Variants in TRAF3 observed in about 807,000 individuals in gnomAD.
TRAF3 encodes TNF receptor associated factor 3.
A neutral mutation model predicts 62.3 loss-of-function variants in TRAF3; 13 were observed. The ratio of observed to expected loss-of-function variants is 0.21; its 90% CI spans 0.14 to 0.33. The LOEUF (loss-of-function observed/expected upper bound fraction) is 0.33. Among genes scored for constraint, TRAF3 ranks in the 10% least tolerant of loss-of-function variants. The probability of loss-of-function intolerance (pLI) is 1.00; values close to 1 mark genes in which losing one functional copy is unlikely to be tolerated. For missense variants in TRAF3, 440 were observed against 741.8 expected (o/e 0.59, Z 4.73); for synonymous variants, 269 against 283.4 (o/e 0.95, Z 0.51).
chr14:102,839,369 C>A (rs1886237087), intron 2 of TRAF3, among the ~76,000 whole-genome samples: 1 of 152,062 alleles, frequency 6.6e-6, no homozygotes, highest in Non-Finnish European at 1.5e-5. Context: ...CAGGTGCACG[C>A]TACCACTTCT....
chr14:102,869,007 G>A (rs893009706), intron 2 of TRAF3, among the ~76,000 whole-genome samples: 16 of 152,216 alleles, frequency 1.1e-4, no homozygotes, highest in African/African-American at 3.9e-4. Context: ...GAGAGTCCGC[G>A]CAGACAGACT....
At chr14:102,847,403 G>C (rs1886790103) in intron 2 of TRAF3, among the ~76,000 whole-genome samples, 1 of 152,118 alleles carries the variant, frequency 6.6e-6, no homozygotes, top group African/African-American at 2.4e-5. Flanking sequence ...TCGAACTCCT[G>C]ACCTCAGGCA....
Position 102,903,986 on chromosome 14 carries a change from G to A in TRAF3, c.1135+557G>A, listed in dbSNP as rs1235045734. 1 of 364,326 alleles carries A rather than the reference G, an allele frequency of 2.7e-6. No individual in the cohort carries two copies. The highest frequency in any genetic ancestry group is 5.5e-6 in the Non-Finnish European group (1 of 182,682). The allele number at this position is 364,326 out of a possible 1,614,324, so 22.6% of individuals were successfully genotyped here. A position where few individuals can be genotyped will look rare whatever the true frequency, so the allele number is the denominator to read the frequency against. ...GCCGGATGAAGCAGGCAGAGAATGAGGTTGGAGGAGAGGGGAGCAGCTTCG... is the reference window on the plus strand; with the variant it reads ...GCCGGATGAAGCAGGCAGAGAATGAAGTTGGAGGAGAGGGGAGCAGCTTCG... On this transcript the variant is annotated intron_variant, in intron 11 of 11. Transcript: ENST00000392745. The surrounding 1 kb of genome is among the most constrained non-coding windows in gnomAD (Gnocchi z 6.4).
chr14:102,784,736 A>G (rs1314415757), intron 1 of TRAF3, among the ~76,000 whole-genome samples: 1 of 152,206 alleles, frequency 6.6e-6, no homozygotes, highest in Non-Finnish European at 1.5e-5. Flanking sequence ...AGGTGCCACA[A>G]CAGTGGAACA....
chr14:102,808,582 G>A (rs1277748997), intron 1 of TRAF3, among the ~76,000 whole-genome samples: 5 of 152,050 alleles, frequency 3.3e-5, no homozygotes, highest in Admixed American at 2.6e-4. Context: ...CAGCCTCCAA[G>A]GGAAGGAAAT....
intron 6 of TRAF3, among the ~76,000 whole-genome samples, chr14:102,885,757 G>A (rs1397675820): frequency 1.3e-5 from 2 of 152,200 alleles, no homozygotes; most frequent in African/African-American, 4.8e-5. Flanking sequence ...GAAACCCTCC[G>A]TCTCTCAACC....
At chr14:102,809,014 T>C in intron 1 of TRAF3, 1 of 152,070 alleles carries the variant, frequency 6.6e-6, no homozygotes. Context: ...TGAGATGGCG[T>C]CTCGCTCTGT....
chr14:102,836,789 G>C (rs1886036014), intron 2 of TRAF3, among the ~76,000 whole-genome samples: 1 of 152,166 alleles, frequency 6.6e-6, no homozygotes, highest in African/African-American at 2.4e-5. Context: ...ATAAAAATAT[G>C]TCTGACATTT....
At chr14:102,847,761 A>C (rs1037250777) in intron 2 of TRAF3, among the ~76,000 whole-genome samples, 1 of 152,196 alleles carries the variant, frequency 6.6e-6, no homozygotes, top group Non-Finnish European at 1.5e-5. Flanking sequence ...ATTTTAAAAC[A>C]TCCTGAACAT....
chr14:102,814,513 A>G (rs111802027), intron 1 of TRAF3, among the ~76,000 whole-genome samples: 1 of 151,914 alleles, frequency 6.6e-6, no homozygotes, highest in Non-Finnish European at 1.5e-5. Context: ...TCTTTTAATT[A>G]TCTTGATTTC....
At chr14:102,896,580 C>A (rs1213197692) in intron 9 of TRAF3, among the ~76,000 whole-genome samples, 1 of 152,160 alleles carries the variant, frequency 6.6e-6, no homozygotes, top group South Asian at 2.1e-4. Context: ...TGGGGTGATA[C>A]ATAAGCATCT....
chr14:102,833,852 G>A (rs1885800443), intron 2 of TRAF3, among the ~76,000 whole-genome samples: 1 of 152,008 alleles, frequency 6.6e-6, no homozygotes, highest in Admixed American at 6.6e-5. Context: ...AATTAGCTGG[G>A]TGTGGTGGCA....
intron 1 of TRAF3, among the ~76,000 whole-genome samples, chr14:102,803,897 A>C (rs1898603609): frequency 6.6e-6 from 1 of 152,160 alleles, no homozygotes; most frequent in African/African-American, 2.4e-5. Flanking sequence ...GACCCTATGA[A>C]ATTGACTTAA....
intron 6 of TRAF3, among the ~76,000 whole-genome samples, chr14:102,877,828 C>T (rs1215553704): frequency 2.6e-5 from 4 of 151,984 alleles, no homozygotes; most frequent in Non-Finnish European, 5.9e-5. Flanking sequence ...GTAATCCCTT[C>T]CGCAGGCCCT....
At chr14:102,807,332 C>T (rs1363216174) in intron 1 of TRAF3, among the ~76,000 whole-genome samples, 1 of 152,216 alleles carries the variant, frequency 6.6e-6, no homozygotes, top group African/African-American at 2.4e-5. Context: ...CTGCCTGCTG[C>T]CTTGTCCTCC....
At chr14:102,847,506 T>G (rs1240562652) in intron 2 of TRAF3, among the ~76,000 whole-genome samples, 1 of 152,200 alleles carries the variant, frequency 6.6e-6, no homozygotes, top group Non-Finnish European at 1.5e-5. Context: ...TCTAAAAATT[T>G]TCCAGGTGAG....
intron 11 of TRAF3, among the ~76,000 whole-genome samples, chr14:102,904,070 G>C (rs1183537798): frequency 6.6e-6 from 1 of 152,208 alleles, no homozygotes; most frequent in African/African-American, 2.4e-5. Flanking sequence ...AGTGGGGAGA[G>C]CACAGCTGTC....
At chr14:102,896,159 CTTTG>C (rs1377574128) in intron 9 of TRAF3, among the ~76,000 whole-genome samples, 1 of 152,178 alleles carries the variant, frequency 6.6e-6, no homozygotes, top group African/African-American at 2.4e-5. Flanking sequence ...CATCACATCA[CTTTG>C]TTTAAAATCT....
intron 1 of TRAF3, among the ~76,000 whole-genome samples, chr14:102,803,199 C>T (rs935520421): frequency 3.3e-4 from 50 of 152,288 alleles, no homozygotes; most frequent in South Asian, 8.3e-4. Flanking sequence ...GGCTTGGCCT[C>T]CTGGCAGGCT....
Sources: allele counts gnomAD v4.1 joint callset (sites outside exome capture counted in the v4.1 genomes callset), GRCh38; gene constraint gnomAD v4.1.1; non-coding constraint Gnocchi (gnomAD v3.1); transcripts MANE v1.5; gene names NCBI Gene and HGNC (gene_info 2026-07-23, HGNC 2026-07-21).